Variants in CHEK2 observed in about 807,000 individuals in gnomAD.
The protein encoded by CHEK2 is checkpoint kinase 2.
CHEK2 carries 71 observed loss-of-function variants against 69.1 expected under a neutral mutation model. The ratio of observed to expected loss-of-function variants is 1.03; its 90% CI spans 0.85 to 1.25. The LOEUF (loss-of-function observed/expected upper bound fraction) is 1.25, where lower values mean the gene tolerates loss of function less well. Among genes scored for constraint, CHEK2 ranks in the 50% most tolerant of loss-of-function variants. The pLI is 0.00. For synonymous variants in CHEK2, 189 were observed against 226.9 expected (o/e 0.83, Z 1.50); for missense variants, 664 against 649.6 (o/e 1.02, Z -0.24).
chr22:28,717,619 T>C (rs1206313540), intron 5 of CHEK2, among the ~76,000 whole-genome samples: 1 of 151,478 alleles, frequency 6.6e-6, no homozygotes, highest in African/African-American at 2.4e-5. Flanking sequence ...CTCACGCCTA[T>C]AATCCAGCAC....
At chr22:28,728,885 G>A (rs1417104260) in intron 2 of CHEK2, among the ~76,000 whole-genome samples, 1 of 152,140 alleles carries the variant, frequency 6.6e-6, no homozygotes, top group Non-Finnish European at 1.5e-5. Context: ...TCAGGAGGCT[G>A]AGGTAGGAGT....
rs2053685728 is a variant in CHEK2 at position 28,719,291 on chromosome 22, T to C, written c.683+104A>G. The C allele has an allele frequency of 6.6e-6, 4 of 609,308 alleles. No individual in the cohort carries two copies. The Admixed American group carries it at 9.9e-5, about 15-fold the overall frequency. 37.7% of individuals were successfully genotyped at this position (609,308 alleles called of 1,614,324 possible). A position where few individuals can be genotyped will look rare whatever the true frequency, so the allele number is the denominator to read the frequency against. On this transcript the variant is annotated intron_variant, in intron 5 of 14. Transcript: ENST00000404276. ...AATACACAAATAGATACCATACAAA[T>C]GTTATCAATACATAATGAGTGTTAT...
intron 9 of CHEK2, among the ~76,000 whole-genome samples, chr22:28,698,169 T>C (rs1329401863): frequency 1.4e-5 from 2 of 145,070 alleles, no homozygotes; most frequent in East Asian, 2.0e-4. Context: ...GGCAGGCGGA[T>C]AGTTTGAGGT....
At chr22:28,710,194 GC>G in intron 6 of CHEK2, 135 bp from the exon 7 acceptor site, 1 of 615,726 alleles carries the variant, frequency 1.6e-6, no homozygotes, top group Non-Finnish European at 3.0e-6. Flanking sequence ...AGAAATCAAA[GC>G]CCAGGTCAAT....
intron 7 of CHEK2, among the ~76,000 whole-genome samples, chr22:28,704,792 G>A (rs541710081): frequency 5.9e-5 from 9 of 152,212 alleles, no homozygotes; most frequent in East Asian, 1.9e-4. Flanking sequence ...AGATTTTTTG[G>A]TTTTAGATTC....
Position 28,725,235 on chromosome 22 carries a change from T to C in CHEK2, c.444+8A>G, listed in dbSNP as rs1298914765. 2 of 1,614,128 alleles carry C rather than the reference T, an allele frequency of 1.2e-6. No individual in the cohort carries two copies. The highest frequency in any genetic ancestry group is 8.5e-7 in the Non-Finnish European group (1 of 1,179,996). On this transcript the variant is annotated splice_region_variant and intron_variant, in intron 3 of 14. Transcript: ENST00000404276. ...GCTCTCCTAGATACATGGGTATTCA[T>C]TACCTACCCTGAAAATCCGAAAGTG...
At chr22:28,737,309 A>G (rs1279012995) in intron 1 of CHEK2, 1 of 479,272 alleles carries the variant, frequency 2.1e-6, no homozygotes, top group South Asian at 1.6e-5. Context: ...TCCATATTAA[A>G]TTGAGATCTT....
chr22:28,693,478 G>A (rs528480820), intron 13 of CHEK2, among the ~76,000 whole-genome samples: 24 of 152,236 alleles, frequency 1.6e-4, no homozygotes, highest in African/African-American at 5.5e-4. Flanking sequence ...CCTGATTTAA[G>A]GTTGAAGATG....
At chr22:28,724,772 G>A in intron 4 of CHEK2, 1 of 619,612 alleles carries the variant, frequency 1.6e-6, no homozygotes, top group Non-Finnish European at 3.0e-6. Context: ...CTCCATGTGG[G>A]TCAGGCTGGT....
intron 7 of CHEK2, among the ~76,000 whole-genome samples, chr22:28,707,032 G>A (rs921081990): frequency 1.3e-5 from 2 of 152,192 alleles, no homozygotes; most frequent in South Asian, 2.1e-4. Context: ...AATGGGCAGT[G>A]CCAGTACCTA....
chr22:28,708,335 G>C (rs1358723299), intron 7 of CHEK2, among the ~76,000 whole-genome samples: 1 of 150,636 alleles, frequency 6.6e-6, no homozygotes. Flanking sequence ...TGAAGCCTGG[G>C]TAACAGAGAC....
intron 5 of CHEK2, among the ~76,000 whole-genome samples, chr22:28,719,186 A>C (rs1391797062): frequency 6.6e-6 from 1 of 152,120 alleles, no homozygotes; most frequent in Non-Finnish European, 1.5e-5. Context: ...ACAGAGCAAC[A>C]CCCTGTCTCA....
rs566204837 is a variant in CHEK2, at chr22:28,710,149, C to T, written c.793-90G>A. 34 of 883,904 alleles carry T rather than the reference C, an allele frequency of 3.8e-5. No homozygotes were observed. The Admixed American group carries it at 4.0e-4, about 11-fold the overall frequency. The allele number at this position is 883,904 out of a possible 1,614,324, so 54.8% of individuals were successfully genotyped here. ...ACAGTTAAACTCAGTTGACTCAAGGCTGCCTGAGTTCCAAACCCAGCTCTA... is the reference window on the plus strand; with the variant it reads ...ACAGTTAAACTCAGTTGACTCAAGGTTGCCTGAGTTCCAAACCCAGCTCTA... On this transcript the variant is annotated intron_variant, in intron 6 of 14. Transcript: ENST00000404276.
Position 28,698,228 on chromosome 22 carries a change from T to TAAAAAAAAAAA in CHEK2, c.1009-1252_1009-1242dup, listed in dbSNP as rs398040472. Among the ~76,000 whole-genome samples the TAAAAAAAAAAA allele has an allele frequency of 2.2e-4, 18 of 81,894 alleles. 1 individual carries two copies. The highest frequency in any genetic ancestry group is 1.4e-3 in the South Asian group (2 of 1,386). The allele number at this position is 81,894 out of a possible 152,430, so 53.7% of individuals were successfully genotyped here. A position where few individuals can be genotyped will look rare whatever the true frequency, so the allele number is the denominator to read the frequency against. The stretch of plus-strand genomic sequence containing the variant: ...CAACATGGTGAAACCCTATCTTTAC[T>TAAAAAAAAAAA]AAAAAAAAAAAAAAAAAAATTAGCT... On this transcript the variant is annotated intron_variant, in intron 9 of 14. Coordinates refer to ENST00000404276, the MANE Select transcript of CHEK2 (RefSeq NM_007194.4).
chr22:28,694,152 G>T (rs2052475949), intron 12 of CHEK2, 35 bp from the exon 13 acceptor site: 4 of 1,375,926 alleles, frequency 2.9e-6, no homozygotes, highest in Non-Finnish European at 4.1e-6. Context: ...CAGTGAAAAG[G>T]ATAAATATAT....
At chr22:28,733,370 G>A (rs1286813089) in intron 2 of CHEK2, among the ~76,000 whole-genome samples, 2 of 152,012 alleles carry the variant, frequency 1.3e-5, no homozygotes, top group Admixed American at 6.6e-5. Context: ...CTAGGAAGAG[G>A]GTCCAAAGCT....
At chr22:28,734,757 T>G (rs763101453) in intron 1 of CHEK2, 30 bp from the exon 2 acceptor site, 13 of 1,584,238 alleles carry the variant, frequency 8.2e-6, no homozygotes, top group Middle Eastern at 1.7e-4. Flanking sequence ...ACAACAAAGG[T>G]GAGTTTCAAG....
At chr22:28,706,298 T>TCTCACACACACA (rs556713073) in intron 7 of CHEK2, among the ~76,000 whole-genome samples, 2 of 147,880 alleles carry the variant, frequency 1.4e-5, no homozygotes, top group African/African-American at 5.0e-5. Context: ...ACACTCCAGC[T>TCTCACACACACA]CACACACACA....
At chr22:28,728,709 A>G (rs1423032013) in intron 2 of CHEK2, among the ~76,000 whole-genome samples, 7 of 152,122 alleles carry the variant, frequency 4.6e-5, no homozygotes, top group Admixed American at 4.6e-4. Context: ...GTCTCCAAAA[A>G]AACAAAACAA....
Sources: allele counts gnomAD v4.1 joint callset (sites outside exome capture counted in the v4.1 genomes callset), GRCh38; gene constraint gnomAD v4.1.1; transcripts MANE v1.5; gene names NCBI Gene and HGNC (gene_info 2026-07-23, HGNC 2026-07-21).